Variants in SFMBT2 observed in about 807,000 individuals in gnomAD.
SFMBT2 encodes the protein scm-like with four MBT domains protein 2.
Under a neutral mutation model 110.1 loss-of-function variants are expected in SFMBT2, and 38 were observed. The ratio of observed to expected loss-of-function variants is 0.35; its 90% CI spans 0.27 to 0.45. SFMBT2 has a LOEUF of 0.45. Ranked by LOEUF, SFMBT2 falls within the 20% of genes least tolerant of loss-of-function variation. The pLI is 1.00. For missense variants in SFMBT2, 1,011 were observed against 1,094.9 expected (o/e 0.92, Z 1.08); for synonymous variants, 425 against 425.4 (o/e 1.00, Z 0.01).
chr10:7,332,603 T>G (rs1309411692), intron 4 of SFMBT2, among the ~76,000 whole-genome samples: 1 of 152,216 alleles, frequency 6.6e-6, no homozygotes, highest in Admixed American at 6.5e-5. Flanking sequence ...AAATGCTTTT[T>G]ATTAAAACAA....
chr10:7,190,259 C>A (rs918356448), intron 15 of SFMBT2, among the ~76,000 whole-genome samples: 7 of 152,174 alleles, frequency 4.6e-5, no homozygotes, highest in African/African-American at 1.7e-4. Context: ...GTACAATTTA[C>A]AGAAACTCAG....
At chr10:7,306,296 A>G (rs1411545119) in intron 4 of SFMBT2, among the ~76,000 whole-genome samples, 1 of 152,280 alleles carries the variant, frequency 6.6e-6, no homozygotes, top group Non-Finnish European at 1.5e-5. Flanking sequence ...TGCAAGGCTC[A>G]GAAGCCAAGA....
At position 7,246,453 on chromosome 10, in the gene SFMBT2, GCTCACGCCTATAAT is replaced by G. The variant is rs1478824325; in HGVS notation, c.972+2081_972+2094del. Among the ~76,000 whole-genome samples the G allele has an allele frequency of 6.0e-5, 9 of 151,052 alleles. No individual in the cohort carries two copies. The East Asian group carries it at 9.6e-4, about 16-fold the overall frequency. On this transcript the variant is annotated intron_variant, in intron 8 of 20. Transcript: ENST00000397167. ...AATGTGAGAGAGGCCGGGTGCAGTG[GCTCACGCCTATAAT>G]CCCAGCACTTTGGGAGGCTGAGGCG...
At position 7,312,188 on chromosome 10, in the gene SFMBT2, G is replaced by A. The variant is rs563484385; in HGVS notation, c.437-26234C>T. 1.7e-3 allele frequency among the ~76,000 whole-genome samples: 264 copies of A among 152,088 alleles called. 1 individual carries two copies. Among genetic ancestry groups the A allele is most frequent in the African/African-American group, 5.7e-3 (237 of 41,458 alleles). ...ACATGTATACATATGTAACAAACCT[G>A]CACATTGTGCACATGTACCCTAGAA... On this transcript the variant is annotated intron_variant, in intron 4 of 20. Transcript: ENST00000397167.
intron 4 of SFMBT2, among the ~76,000 whole-genome samples, chr10:7,354,333 G>C (rs1247410805): frequency 6.6e-6 from 1 of 152,116 alleles, no homozygotes; most frequent in Non-Finnish European, 1.5e-5. Flanking sequence ...CATTAGTCTT[G>C]ATCAAAATAA....
chr10:7,169,485 A>T (rs1213963109), intron 20 of SFMBT2, among the ~76,000 whole-genome samples: 1 of 152,230 alleles, frequency 6.6e-6, no homozygotes, highest in Non-Finnish European at 1.5e-5. Flanking sequence ...AGGAAGTCAC[A>T]GACCTTTTAT....
chr10:7,297,408 C>A (rs1402480792), intron 4 of SFMBT2, among the ~76,000 whole-genome samples: 2 of 152,188 alleles, frequency 1.3e-5, no homozygotes, highest in Non-Finnish European at 2.9e-5. Context: ...ACTAGCTGGA[C>A]CACCTGGTAG....
At chr10:7,291,307 C>A (rs1842255892) in intron 4 of SFMBT2, among the ~76,000 whole-genome samples, 1 of 152,218 alleles carries the variant, frequency 6.6e-6, no homozygotes, top group Non-Finnish European at 1.5e-5. Context: ...TTTAAACACA[C>A]AGGGTATTTC....
intron 11 of SFMBT2, among the ~76,000 whole-genome samples, chr10:7,216,930 A>G (rs1035255934): frequency 2.0e-5 from 3 of 152,238 alleles, no homozygotes; most frequent in African/African-American, 7.2e-5. Context: ...TCAGTCCTCC[A>G]TTAACAACAA....
At chr10:7,375,243 G>C (rs1845168260) in intron 2 of SFMBT2, among the ~76,000 whole-genome samples, 1 of 152,202 alleles carries the variant, frequency 6.6e-6, no homozygotes, top group Non-Finnish European at 1.5e-5. Context: ...CTAGAAGCTG[G>C]AGTGTAAGTG....
In SFMBT2 at chr10:7,205,437, A is replaced by C. The variant is rs1050169621; in HGVS notation, c.1444+378T>G. On this transcript the variant is annotated intron_variant, in intron 12 of 20. Coordinates refer to ENST00000397167, the MANE Select transcript of SFMBT2 (RefSeq NM_001387889.1). ...GTCAGTATATTATTGGAACCAATTA[A>C]GATTCTGTTAGGAGAAGCTACATGA... 4.1e-6 allele frequency: 4 copies of C among 985,264 alleles called. No homozygotes were observed. The African/African-American group carries it at 7.0e-5, about 17-fold the overall frequency. 61.0% of individuals were successfully genotyped at this position (985,264 alleles called of 1,614,324 possible).
At chr10:7,214,664 T>C (rs1269196459) in intron 11 of SFMBT2, 1 of 985,380 alleles carries the variant, frequency 1.0e-6, no homozygotes, top group Non-Finnish European at 1.2e-6. Flanking sequence ...TGCTTGTCAG[T>C]GTGGAATGTG....
chr10:7,328,678 A>T (rs1228479235), intron 4 of SFMBT2, among the ~76,000 whole-genome samples: 1 of 152,244 alleles, frequency 6.6e-6, no homozygotes, highest in African/African-American at 2.4e-5. Context: ...GTAGGAGTCT[A>T]CATAAAACAA....
intron 9 of SFMBT2, among the ~76,000 whole-genome samples, chr10:7,240,293 T>TACC (rs1450040431): frequency 6.6e-6 from 1 of 152,200 alleles, no homozygotes; most frequent in Non-Finnish European, 1.5e-5. Context: ...ATACCTACTG[T>TACC]ACCACTCACA....
chr10:7,221,240 T>C (rs1839724927), intron 10 of SFMBT2, among the ~76,000 whole-genome samples: 1 of 152,134 alleles, frequency 6.6e-6, no homozygotes, highest in Non-Finnish European at 1.5e-5. Flanking sequence ...CATTTTCCTT[T>C]ACAGGAAATG....
chr10:7,165,584 G>A (rs1000341792), intron 20 of SFMBT2, among the ~76,000 whole-genome samples: 5 of 152,324 alleles, frequency 3.3e-5, no homozygotes, highest in Admixed American at 6.5e-5. Context: ...AAGTATCAAT[G>A]TGAGTGTCAT....
chr10:7,339,448 T>G (rs1272969478), intron 4 of SFMBT2, among the ~76,000 whole-genome samples: 2 of 152,222 alleles, frequency 1.3e-5, no homozygotes, highest in Non-Finnish European at 2.9e-5. Context: ...CTGAAGATAC[T>G]TCTTTTCTTC....
At chr10:7,282,817 A>G (rs955121689) in intron 6 of SFMBT2, among the ~76,000 whole-genome samples, 2 of 152,238 alleles carry the variant, frequency 1.3e-5, no homozygotes, top group Non-Finnish European at 2.9e-5. Context: ...GGTGATTTTA[A>G]TAAAGCAAAG....
At chr10:7,403,300 T>C (rs932309385) in intron 1 of SFMBT2, among the ~76,000 whole-genome samples, 5 of 152,144 alleles carry the variant, frequency 3.3e-5, no homozygotes, top group African/African-American at 1.2e-4. Context: ...ATCAATAAAA[T>C]AAATATAACA....
Sources: allele counts gnomAD v4.1 joint callset (sites outside exome capture counted in the v4.1 genomes callset), GRCh38; gene constraint gnomAD v4.1.1; transcripts MANE v1.5; gene names NCBI Gene and HGNC (gene_info 2026-07-23, HGNC 2026-07-21).